The following SLC38A9 variants were observed in gnomAD, a reference collection of about 807,000 sequenced individuals.
SLC38A9 encodes the protein neutral amino acid transporter 9.
SLC38A9 carries 48 observed loss-of-function variants against 62.3 expected under a neutral mutation model. The observed-to-expected ratio is 0.77, with a 90% CI of 0.61 to 0.98. SLC38A9 has a LOEUF of 0.98. Among genes scored for constraint, SLC38A9 ranks in the 50% least tolerant of loss-of-function variants. The probability of loss-of-function intolerance (pLI) is 0.00; values close to 1 mark genes in which losing one functional copy is unlikely to be tolerated. For synonymous variants in SLC38A9, 204 were observed against 227.7 expected (o/e 0.90, Z 0.94); for missense variants, 541 against 679.8 (o/e 0.80, Z 2.27).
At chr5:55,699,557 G>C (rs906200239) in intron 2 of SLC38A9, among the ~76,000 whole-genome samples, 2 of 152,008 alleles carry the variant, frequency 1.3e-5, no homozygotes, top group African/African-American at 4.8e-5. Context: ...CTATGAGTGA[G>C]AACAAGAAAC....
intron 2 of SLC38A9, 152 bp from the exon 3 acceptor site, chr5:55,698,144 G>A: frequency 2.3e-6 from 1 of 427,180 alleles, no homozygotes; most frequent in Non-Finnish European, 4.0e-6. Flanking sequence ...TCAGAAACTT[G>A]CTAACCTTAA....
intron 12 of SLC38A9, among the ~76,000 whole-genome samples, chr5:55,638,538 A>G (rs1429444020): frequency 6.6e-6 from 1 of 152,214 alleles, no homozygotes; most frequent in Non-Finnish European, 1.5e-5. Flanking sequence ...ATGCCAAGTC[A>G]GAATGAAAAC....
At position 55,664,864 on chromosome 5, in the gene SLC38A9, C is replaced by A; in HGVS notation, c.527-1G>T. 1.3e-6 allele frequency: 2 copies of A among 1,518,160 alleles called. No homozygotes were observed. The highest frequency in any genetic ancestry group is 1.4e-5 in the African/African-American group (1 of 70,722). The allele number at this position is 1,518,160 out of a possible 1,614,324, so 94.0% of individuals were successfully genotyped here. ...TCCCAGCTAGTGGTATCCAACGAAA[C>A]TAGATAAAATAAGAGAAAGAATAAA... On this transcript the variant is annotated splice_acceptor_variant, in intron 7 of 15. Transcript: ENST00000396865. LOFTEE classifies it high-confidence loss of function.
At position 55,635,854 on chromosome 5, in the gene SLC38A9, A is replaced by AT. The variant is rs1230872569; in HGVS notation, c.1168-198dup. 5.0e-4 allele frequency among the ~76,000 whole-genome samples: 76 copies of AT among 152,196 alleles called. 1 individual carries two copies. The East Asian group carries it at 0.014, about 28-fold the overall frequency. ...CACACACTTTACAATTAGTCTGGCA[A>AT]TTTTTTTTAAAAAAGTACTCTGAAG... On this transcript the variant is annotated intron_variant, in intron 12 of 15. Coordinates refer to ENST00000396865, the MANE Select transcript of SLC38A9 (RefSeq NM_173514.4).
intron 14 of SLC38A9, among the ~76,000 whole-genome samples, chr5:55,632,393 G>A (rs960249505): frequency 2.7e-4 from 41 of 152,070 alleles, no homozygotes; most frequent in African/African-American, 9.2e-4. Flanking sequence ...AGCCGAGATC[G>A]CGCCACTGCA....
chr5:55,635,204 C>T (rs544416889), intron 13 of SLC38A9: 1 of 268,326 alleles, frequency 3.7e-6, no homozygotes, highest in Non-Finnish European at 7.3e-6. Flanking sequence ...TTTATAACTA[C>T]ATGAGAACTA....
intron 9 of SLC38A9, among the ~76,000 whole-genome samples, chr5:55,655,322 C>T (rs1045893012): frequency 6.6e-6 from 1 of 152,052 alleles, no homozygotes; most frequent in African/African-American, 2.4e-5. Flanking sequence ...ATATTTATTA[C>T]CCTAATGATG....
At chr5:55,657,914 G>T (rs1748744020) in intron 8 of SLC38A9, 1 of 152,176 alleles carries the variant, frequency 6.6e-6, no homozygotes, top group Admixed American at 6.5e-5. Context: ...GGTTGTTTAT[G>T]ATTTAAGATT....
At chr5:55,706,959 T>G (rs1395954906) in intron 2 of SLC38A9, among the ~76,000 whole-genome samples, 1 of 151,224 alleles carries the variant, frequency 6.6e-6, no homozygotes, top group Non-Finnish European at 1.5e-5. Context: ...TTTTTTTTTT[T>G]GAGACAGGGT....
intron 12 of SLC38A9, among the ~76,000 whole-genome samples, chr5:55,638,289 A>C (rs1322787809): frequency 6.6e-6 from 1 of 152,194 alleles, no homozygotes; most frequent in Non-Finnish European, 1.5e-5. Context: ...CATTAGGCCT[A>C]AAGATATAGC....
At chr5:55,690,616 T>C (rs973505238) in intron 3 of SLC38A9, among the ~76,000 whole-genome samples, 1 of 152,230 alleles carries the variant, frequency 6.6e-6, no homozygotes, top group African/African-American at 2.4e-5. Context: ...TACTTTTCTG[T>C]CTTTTGTTGA....
In SLC38A9 at chr5:55,686,050, A is replaced by T. The variant is rs141649971; in HGVS notation, c.113+11796T>A. Among the ~76,000 whole-genome samples, 935 of 152,188 alleles carry T rather than the reference A, an allele frequency of 6.1e-3. 10 individuals are homozygous for T. Among genetic ancestry groups the T allele is most frequent in the African/African-American group, 0.022 (906 of 41,518 alleles). ...ATTGATGGGCCTTTTGGTTGATTCC[A>T]TGTCTTTGCTATTGTAAATACTGTT... is the stretch of plus-strand genomic sequence containing the variant. On this transcript the variant is annotated intron_variant, in intron 3 of 15. Coordinates refer to ENST00000396865, the MANE Select transcript of SLC38A9 (RefSeq NM_173514.4).
intron 9 of SLC38A9, 77 bp from the exon 10 acceptor site, chr5:55,652,800 C>A: frequency 1.7e-6 from 2 of 1,209,018 alleles, no homozygotes; most frequent in South Asian, 1.7e-5. Flanking sequence ...AAAATGACTG[C>A]CTCTAGAGAC....
At chr5:55,701,697 T>C (rs1040622246) in intron 2 of SLC38A9, among the ~76,000 whole-genome samples, 4 of 152,178 alleles carry the variant, frequency 2.6e-5, no homozygotes, top group African/African-American at 9.7e-5. Flanking sequence ...ACCCAGTGGG[T>C]AGAGGTCGGG....
chr5:55,644,903 T>C (rs1746064861), intron 12 of SLC38A9, among the ~76,000 whole-genome samples: 1 of 151,702 alleles, frequency 6.6e-6, no homozygotes, highest in East Asian at 1.9e-4. Flanking sequence ...GAGTGTGATG[T>C]TCCCCTTCCT....
chr5:55,635,688 C>T, intron 12 of SLC38A9, 31 bp from the exon 13 acceptor site: 1 of 1,433,198 alleles, frequency 7.0e-7, no homozygotes, highest in Non-Finnish European at 9.8e-7. Context: ...TCCCATAATA[C>T]TGAAGAACCT....
intron 3 of SLC38A9, among the ~76,000 whole-genome samples, chr5:55,686,934 G>T (rs991611269): frequency 6.6e-6 from 1 of 151,988 alleles, no homozygotes; most frequent in Non-Finnish European, 1.5e-5. Flanking sequence ...GTAGGTGTTC[G>T]GTCTTATTTC....
intron 3 of SLC38A9, among the ~76,000 whole-genome samples, chr5:55,675,039 T>C (rs930124138): frequency 2.4e-4 from 36 of 152,300 alleles, no homozygotes; most frequent in African/African-American, 7.9e-4. Context: ...AAGGCAAAGA[T>C]TGAAGCTAGT....
intron 2 of SLC38A9, 29 bp downstream of exon 2, chr5:55,711,423 G>A (rs1758033178): frequency 6.6e-6 from 1 of 152,288 alleles, no homozygotes; most frequent in Non-Finnish European, 1.5e-5. Flanking sequence ...ACAATTAGGT[G>A]TTGGTCGAGT....
Sources: allele counts gnomAD v4.1 joint callset (sites outside exome capture counted in the v4.1 genomes callset), GRCh38; gene constraint gnomAD v4.1.1; transcripts MANE v1.5; gene names NCBI Gene and HGNC (gene_info 2026-07-23, HGNC 2026-07-21).